PTPRT: variants seen among roughly 807,000 people sequenced by gnomAD.
PTPRT encodes receptor-type tyrosine-protein phosphatase T.
A neutral mutation model predicts 176.8 loss-of-function variants in PTPRT; 56 were observed. The ratio of observed to expected loss-of-function variants is 0.32; its 90% CI spans 0.26 to 0.40. The LOEUF (loss-of-function observed/expected upper bound fraction) is 0.40. Ranked by LOEUF, PTPRT falls within the 10% of genes least tolerant of loss-of-function variation. The pLI, the probability that PTPRT is intolerant of heterozygous loss-of-function variation, is 1.00. For synonymous variants in PTPRT, 783 were observed against 739.0 expected (o/e 1.06, Z -0.96); for missense variants, 1,540 against 1,908.2 (o/e 0.81, Z 3.60).
intron 7 of PTPRT, among the ~76,000 whole-genome samples, chr20:42,603,528 G>A (rs1338713214): frequency 1.3e-5 from 2 of 152,164 alleles, no homozygotes; most frequent in African/African-American, 2.4e-5. Flanking sequence ...AGGCTGGTGC[G>A]ACTAGATCTT....
intron 13 of PTPRT, among the ~76,000 whole-genome samples, chr20:42,278,345 G>A (rs193247139): frequency 5.5e-5 from 8 of 144,404 alleles, no homozygotes; most frequent in African/African-American, 2.2e-4. Context: ...CAAGATGAGC[G>A]AAGGCCCCAA....
Position 42,993,490 on chromosome 20 carries a change from GTA to G in PTPRT, c.89-107560_89-107559del, listed in dbSNP as rs1238513284. Reference sequence around the variant, plus strand: ...TATATATATACACATATATGTGTGTGTATATATATACACATATATGTGTGTGT... The same window carrying G: ...TATATATATACACATATATGTGTGTGTATATATACACATATATGTGTGTGT... On this transcript the variant is annotated intron_variant, in intron 1 of 30. Coordinates refer to ENST00000373187, the MANE Select transcript of PTPRT (RefSeq NM_007050.6). Among the ~76,000 whole-genome samples, 2 of 74,826 alleles carry G rather than the reference GTA, an allele frequency of 2.7e-5. 1 individual carries two copies. Among genetic ancestry groups the G allele is most frequent in the Non-Finnish European group, 5.3e-5 (2 of 37,984 alleles). The allele number at this position is 74,826 out of a possible 152,430, so 49.1% of individuals were successfully genotyped here.
At chr20:43,180,612 C>T (rs1480850207) in intron 1 of PTPRT, among the ~76,000 whole-genome samples, 2 of 152,014 alleles carry the variant, frequency 1.3e-5, no homozygotes, top group Admixed American at 6.6e-5. Context: ...TACAGGCACA[C>T]ACCATCATGC....
chr20:42,563,201 A>C (rs1055922004), intron 7 of PTPRT, among the ~76,000 whole-genome samples: 1 of 152,210 alleles, frequency 6.6e-6, no homozygotes, highest in African/African-American at 2.4e-5. Context: ...TTGCAAAATA[A>C]TAAGAGATGT....
intron 9 of PTPRT, among the ~76,000 whole-genome samples, chr20:42,382,707 G>A (rs992577593): frequency 5.9e-5 from 9 of 152,094 alleles, no homozygotes; most frequent in Non-Finnish European, 1.0e-4. Context: ...GGTATGGTGG[G>A]GGGTGTAAGA....
At chr20:42,490,984 G>A (rs1010038775) in intron 7 of PTPRT, among the ~76,000 whole-genome samples, 6 of 152,070 alleles carry the variant, frequency 3.9e-5, no homozygotes, top group Non-Finnish European at 7.4e-5. Flanking sequence ...AAGTAAATCT[G>A]CTATGGACAT....
rs563558701 is a variant in PTPRT at position 42,270,291 on chromosome 20, G to T, written c.2176+12198C>A. The T allele has an allele frequency of 2.7e-3, 2,684 of 980,272 alleles. 4 individuals carry two copies. Among genetic ancestry groups the T allele is most frequent in the Non-Finnish European group, 3.7e-3 (2,407 of 656,260 alleles). The allele number at this position is 980,272 out of a possible 1,614,324, so 60.7% of individuals were successfully genotyped here. On this transcript the variant is annotated intron_variant, in intron 13 of 30. Transcript: ENST00000373187. Reference sequence around the variant, plus strand: ...GAATGGGTGGGGGGGTGGGTGGGTGGGTGGGGTGGAAAGACTGCTGATTCC... The same window carrying T: ...GAATGGGTGGGGGGGTGGGTGGGTGTGTGGGGTGGAAAGACTGCTGATTCC...
At chr20:42,439,807 C>T (rs368754427) in intron 9 of PTPRT, among the ~76,000 whole-genome samples, 5 of 152,130 alleles carry the variant, frequency 3.3e-5, no homozygotes, top group Non-Finnish European at 7.4e-5. Flanking sequence ...TTATTTGGAC[C>T]GCAATAAGGC....
intron 1 of PTPRT, among the ~76,000 whole-genome samples, chr20:43,107,950 A>G (rs1419710153): frequency 6.6e-6 from 1 of 152,176 alleles, no homozygotes; most frequent in Non-Finnish European, 1.5e-5. Context: ...AAGCACACTG[A>G]CTTTTGGAAT....
chr20:42,861,266 C>T lies in PTPRT; in HGVS notation c.214+24541G>A, dbSNP rs529687493. Among the ~76,000 whole-genome samples, 31 of 152,304 alleles carry T rather than the reference C, an allele frequency of 2.0e-4. 2 individuals are homozygous for T. The South Asian group carries it at 6.4e-3, about 32-fold the overall frequency. ...TGCCAGTCCCTGGGTGCTTCACTATCCCTTGTTAATTCCCTTGATTCTGAT... is the reference window on the plus strand; with the variant it reads ...TGCCAGTCCCTGGGTGCTTCACTATTCCTTGTTAATTCCCTTGATTCTGAT... On this transcript the variant is annotated intron_variant, in intron 2 of 30. Coordinates refer to ENST00000373187, the MANE Select transcript of PTPRT (RefSeq NM_007050.6).
chr20:43,040,655 C>A (rs2146212027), intron 1 of PTPRT, among the ~76,000 whole-genome samples: 1 of 152,312 alleles, frequency 6.6e-6, no homozygotes, highest in South Asian at 2.1e-4. Flanking sequence ...CTCCTCTTGT[C>A]AGAAGAGGAC....
intron 1 of PTPRT, among the ~76,000 whole-genome samples, chr20:43,043,223 C>G (rs2146216575): frequency 6.6e-6 from 1 of 152,208 alleles, no homozygotes; most frequent in South Asian, 2.1e-4. Flanking sequence ...GTGTGAGAGG[C>G]TAGCAAACGA....
chr20:42,090,623 T>C (rs1174954991), intron 27 of PTPRT, among the ~76,000 whole-genome samples: 5 of 152,278 alleles, frequency 3.3e-5, no homozygotes. Context: ...CACATAGACA[T>C]GGAACAGAGA....
intron 9 of PTPRT, among the ~76,000 whole-genome samples, chr20:42,386,158 A>G (rs1296592575): frequency 6.6e-6 from 1 of 152,208 alleles, no homozygotes; most frequent in Admixed American, 6.5e-5. Flanking sequence ...GAAGTTTGGC[A>G]CTGTGAGAGC....
chr20:43,099,545 C>T (rs1186573372), intron 1 of PTPRT, among the ~76,000 whole-genome samples: 1 of 152,204 alleles, frequency 6.6e-6, no homozygotes, highest in Non-Finnish European at 1.5e-5. Context: ...CCCCAGACAG[C>T]CCCACCTCTT....
intron 1 of PTPRT, among the ~76,000 whole-genome samples, chr20:43,146,587 A>T (rs1430740172): frequency 6.6e-6 from 1 of 151,970 alleles, no homozygotes; most frequent in East Asian, 1.9e-4. Context: ...CCCAAAACAC[A>T]TAAACTATTG....
At chr20:42,829,213 T>C (rs1477783680) in intron 2 of PTPRT, among the ~76,000 whole-genome samples, 1 of 152,204 alleles carries the variant, frequency 6.6e-6, no homozygotes, top group African/African-American at 2.4e-5. Flanking sequence ...GATTCTAGAT[T>C]TGCATGGGGC....
At position 42,793,715 on chromosome 20, in the gene PTPRT, A is replaced by C. The variant is rs146786588; in HGVS notation, c.215-2249T>G. Among the ~76,000 whole-genome samples, 521 of 152,272 alleles carry C rather than the reference A, an allele frequency of 3.4e-3. 3 individuals carry two copies. The highest frequency in any genetic ancestry group is 0.011 in the African/African-American group (446 of 41,552). On this transcript the variant is annotated intron_variant, in intron 2 of 30. Coordinates refer to ENST00000373187, the MANE Select transcript of PTPRT (RefSeq NM_007050.6). The stretch of plus-strand genomic sequence containing the variant: ...GGGGCAGCTAAAAAGGAGCAATTAT[A>C]GGGGCAGAAATTGAGGCTTAGAGAT...
intron 7 of PTPRT, among the ~76,000 whole-genome samples, chr20:42,566,891 T>C (rs2073048503): frequency 6.6e-6 from 1 of 152,212 alleles, no homozygotes; most frequent in Non-Finnish European, 1.5e-5. Flanking sequence ...TTGGTAAAAC[T>C]GAATAAAGAG....
Sources: gnomAD v4.1 joint callset for allele counts (sites outside exome capture counted in the v4.1 genomes callset) on GRCh38, gnomAD v4.1.1 for gene constraint, MANE v1.5 for transcripts, NCBI Gene and HGNC (gene_info 2026-07-23, HGNC 2026-07-21) for gene names.